PCDHA1: variants seen among roughly 807,000 people sequenced by gnomAD.
PCDHA1 encodes protocadherin alpha-1.
In PCDHA1, 42 loss-of-function variants were observed where a neutral mutation model predicts 61.3. That is an observed-to-expected ratio of 0.69 (90% CI 0.54 to 0.89). The LOEUF (loss-of-function observed/expected upper bound fraction) is 0.89, where lower values mean the gene tolerates loss of function less well. Among genes scored for constraint, PCDHA1 ranks in the 40% least tolerant of loss-of-function variants. The pLI, the probability that PCDHA1 is intolerant of heterozygous loss-of-function variation, is 0.00. For synonymous variants in PCDHA1, 610 were observed against 553.8 expected (o/e 1.10, Z -1.43); for missense variants, 1,256 against 1,235.3 (o/e 1.02, Z -0.25).
At chr5:140,865,781 A>T (rs1213634186) in intron 1 of PCDHA1, 5 of 152,208 alleles carry the variant, frequency 3.3e-5, no homozygotes, top group Non-Finnish European at 5.9e-5. Flanking sequence ...TCAAATGTGT[A>T]TCTTTCAGGC....
intron 1 of PCDHA1, chr5:140,807,387 C>T: frequency 6.7e-7 from 1 of 1,488,996 alleles, no homozygotes; most frequent in Non-Finnish European, 9.2e-7. Flanking sequence ...TTCCGGGTGG[C>T]GTCCAAGGGC....
At chr5:140,850,964 C>T in intron 1 of PCDHA1, 2 of 1,468,876 alleles carry the variant, frequency 1.4e-6, no homozygotes, top group Non-Finnish European at 1.8e-6. Flanking sequence ...TCCCAGGGGC[C>T]GTTCAAATAG....
chr5:140,919,357 G>C (rs1158844072), intron 1 of PCDHA1, among the ~76,000 whole-genome samples: 3 of 152,148 alleles, frequency 2.0e-5, no homozygotes, highest in Non-Finnish European at 4.4e-5. Flanking sequence ...GAATCTAAAA[G>C]TGTCTCCTGC....
intron 1 of PCDHA1, among the ~76,000 whole-genome samples, chr5:140,837,845 T>C (rs1033041173): frequency 1.3e-5 from 2 of 151,414 alleles, no homozygotes; most frequent in Admixed American, 1.3e-4. Flanking sequence ...GCCTGGCTAA[T>C]TTTATTTTAT....
intron 1 of PCDHA1, chr5:140,808,185 A>G: frequency 6.2e-7 from 1 of 1,614,236 alleles, no homozygotes; most frequent in Non-Finnish European, 8.5e-7. Context: ...CTTTCTGGCC[A>G]TTGTAGAGTT....
At chr5:140,801,764 T>C (rs1762778579) in intron 1 of PCDHA1, 1 of 1,613,838 alleles carries the variant, frequency 6.2e-7, no homozygotes, top group Non-Finnish European at 8.5e-7. Context: ...ATGAGGAAAT[T>C]AAATCCCTTG....
At chr5:140,989,970 A>C (rs2097368842) in intron 3 of PCDHA1, among the ~76,000 whole-genome samples, 1 of 152,136 alleles carries the variant, frequency 6.6e-6, no homozygotes, top group Non-Finnish European at 1.5e-5. Flanking sequence ...GAGCTTCCTC[A>C]GCAACAGCCC....
At position 140,915,626 on chromosome 5, in the gene PCDHA1, G is replaced by GTCTCTCTCTCTC. The variant is rs57920489; in HGVS notation, c.2395-63304_2395-63293dup. 2.6e-4 allele frequency among the ~76,000 whole-genome samples: 38 copies of GTCTCTCTCTCTC among 146,532 alleles called. No individual in the cohort carries two copies. In the Middle Eastern group the frequency reaches 0.011, roughly 41 times the overall value. Reference sequence around the variant, plus strand: ...ACTTTCTGTCAAACAGTCTCTTTCTGTCTCTCTCTCTCTCTCTCTCTCTCT... The same window carrying GTCTCTCTCTCTC: ...ACTTTCTGTCAAACAGTCTCTTTCTGTCTCTCTCTCTCTCTCTCTCTCTCTCTCTCTCTCTCT... On this transcript the variant is annotated intron_variant, in intron 1 of 3. Coordinates refer to ENST00000504120, the MANE Select transcript of PCDHA1 (RefSeq NM_018900.4).
At chr5:140,883,635 C>T (rs997170789) in intron 1 of PCDHA1, 1 of 1,613,182 alleles carries the variant, frequency 6.2e-7, no homozygotes, top group Non-Finnish European at 8.5e-7. Flanking sequence ...CCGGCGTTCG[C>T]GCAGCCCGAG....
chr5:140,922,177 A>G (rs1194396252), intron 1 of PCDHA1, among the ~76,000 whole-genome samples: 1 of 69,034 alleles, frequency 1.4e-5, no homozygotes, highest in Non-Finnish European at 3.3e-5. Context: ...TACAGCAGAC[A>G]AAAAAAAAGT....
intron 1 of PCDHA1, chr5:140,852,251 G>A: frequency 1.9e-6 from 1 of 527,556 alleles, no homozygotes; most frequent in Non-Finnish European, 2.5e-6. Flanking sequence ...ACACACTTTT[G>A]GAATATGCTA....
chr5:141,008,438 A>G (rs1214725080), intron 3 of PCDHA1, among the ~76,000 whole-genome samples: 1 of 152,204 alleles, frequency 6.6e-6, no homozygotes, highest in Admixed American at 6.5e-5. Flanking sequence ...TTGCCCAGAC[A>G]GACCATTACC....
At chr5:140,946,903 T>A (rs2094054259) in intron 1 of PCDHA1, among the ~76,000 whole-genome samples, 1 of 151,408 alleles carries the variant, frequency 6.6e-6, no homozygotes, top group African/African-American at 2.4e-5. Flanking sequence ...ATAGGAAGAA[T>A]AAGTTCTGGT....
intron 1 of PCDHA1, among the ~76,000 whole-genome samples, chr5:140,875,095 G>A (rs2055270565): frequency 6.6e-6 from 1 of 152,156 alleles, no homozygotes; most frequent in Non-Finnish European, 1.5e-5. Context: ...AATTGTTGAT[G>A]TTTTGTTACT....
At chr5:140,959,524 C>T (rs187530929) in intron 1 of PCDHA1, among the ~76,000 whole-genome samples, 1 of 152,024 alleles carries the variant, frequency 6.6e-6, no homozygotes. Context: ...ATCTTTAAGA[C>T]CATTAATTCA....
At chr5:140,928,506 A>G (rs1554205940) in intron 1 of PCDHA1, 4 of 1,614,090 alleles carry the variant, frequency 2.5e-6, no homozygotes, top group African/African-American at 1.3e-5. Context: ...GAAGTGCAAC[A>G]GTGACTATAA....
At chr5:140,792,998 G>T (rs1761742795) in intron 1 of PCDHA1, among the ~76,000 whole-genome samples, 1 of 152,166 alleles carries the variant, frequency 6.6e-6, no homozygotes, top group Non-Finnish European at 1.5e-5. Context: ...TCAAGAATGA[G>T]CAAGTGGACC....
intron 1 of PCDHA1, chr5:140,927,565 G>A: frequency 6.2e-7 from 1 of 1,614,186 alleles, no homozygotes; most frequent in Non-Finnish European, 8.5e-7. Context: ...CATTGTGGTG[G>A]ACACAAATGA....
chr5:140,926,526 C>G (rs2083305621), intron 1 of PCDHA1: 1 of 209,510 alleles, frequency 4.8e-6, no homozygotes, highest in Non-Finnish European at 9.3e-6. Flanking sequence ...GCCCTGCGCC[C>G]GCAGCCAGCG....
Sources: gnomAD v4.1 joint callset for allele counts (sites outside exome capture counted in the v4.1 genomes callset) on GRCh38, gnomAD v4.1.1 for gene constraint, MANE v1.5 for transcripts, NCBI Gene and HGNC (gene_info 2026-07-23, HGNC 2026-07-21) for gene names.